Variants in DLGAP4 observed in about 807,000 individuals in gnomAD.
The protein encoded by DLGAP4 is DLG associated protein 4, also known as disks large-associated protein 4.
A neutral mutation model predicts 86.9 loss-of-function variants in DLGAP4; 18 were observed. The ratio of observed to expected loss-of-function variants is 0.21; its 90% CI spans 0.14 to 0.31. The LOEUF (loss-of-function observed/expected upper bound fraction) is 0.31, where lower values mean the gene tolerates loss of function less well. Among genes scored for constraint, DLGAP4 ranks in the 10% least tolerant of loss-of-function variants. The pLI, the probability that DLGAP4 is intolerant of heterozygous loss-of-function variation, is 1.00. For missense variants in DLGAP4, 1,085 were observed against 1,362.6 expected, an observed-to-expected ratio of 0.80 and a Z score of 3.21; for synonymous variants, 548 against 574.3, an observed-to-expected ratio of 0.95 and a Z score of 0.65.
At position 36,431,636 on chromosome 20, in the gene DLGAP4, C is replaced by T; in HGVS notation, c.-72-10C>T. ...TGACCAGCTGACCGCTTTCTGTCTT[C>T]TCTCCCTAGGATAGCTGCCGCCCGG... is the stretch of plus-strand genomic sequence containing the variant. On this transcript the variant is annotated splice_polypyrimidine_tract_variant and intron_variant, in intron 2 of 12. Coordinates refer to ENST00000339266, the MANE Select transcript of DLGAP4 (RefSeq NM_001365621.2). This position sits in a 1 kb window ranked among gnomAD's most constrained non-coding sequence, Gnocchi z 5.1. 1 of 1,465,418 alleles carries T rather than the reference C, an allele frequency of 6.8e-7. No homozygotes were observed. The highest frequency in any genetic ancestry group is 1.4e-5 in the South Asian group (1 of 72,826). 90.8% of individuals were successfully genotyped at this position (1,465,418 alleles called of 1,614,324 possible). A position where few individuals can be genotyped will look rare whatever the true frequency, so the allele number is the denominator to read the frequency against.
intron 1 of DLGAP4, among the ~76,000 whole-genome samples, chr20:36,346,342 C>G (rs2029937632): frequency 6.6e-6 from 1 of 152,264 alleles, no homozygotes; most frequent in South Asian, 2.1e-4. Flanking sequence ...GCCCTACTCA[C>G]TGTTAGCAGG....
chr20:36,526,961 G>T lies in DLGAP4; in HGVS notation c.2909G>T (p.Arg970Leu). 1 of 1,610,210 alleles carries T rather than the reference G, an allele frequency of 6.2e-7. No individual in the cohort carries two copies. The highest frequency in any genetic ancestry group is 8.5e-7 in the Non-Finnish European group (1 of 1,178,364). Residue 970 changes from arginine to leucine, a missense_variant, in exon 13 of 13, where the codon CGG becomes CTG. Arg to Leu is a moderately radical substitution (Grantham distance 102). Transcript: ENST00000339266. The stretch of plus-strand genomic sequence containing the variant: ...GCGGCCAAGCGGGCAGCTTCTGTGC[G>T]GCAGAACTCAGCCACCGAGAGCGCA... ...LLAAKRAASV[R>L]QNSATESADS...
At chr20:36,525,578 G>C (rs987571900) in intron 11 of DLGAP4, 11 of 521,886 alleles carry the variant, frequency 2.1e-5, no homozygotes, top group Admixed American at 3.1e-5. Context: ...TGCAAAACGA[G>C]AATACCTGTC....
chr20:36,362,879 T>G (rs1182849997), intron 1 of DLGAP4, among the ~76,000 whole-genome samples: 1 of 152,142 alleles, frequency 6.6e-6, no homozygotes, highest in Non-Finnish European at 1.5e-5. Context: ...CTGAATTCAT[T>G]TGAGCCTCAC....
At chr20:36,342,705 A>G (rs1245927870) in intron 1 of DLGAP4, among the ~76,000 whole-genome samples, 3 of 152,206 alleles carry the variant, frequency 2.0e-5, no homozygotes, top group Non-Finnish European at 2.9e-5. Context: ...CCTCTGCCGC[A>G]TAGTCCTGGT....
intron 1 of DLGAP4, among the ~76,000 whole-genome samples, chr20:36,332,474 C>T (rs915817139): frequency 6.6e-5 from 10 of 152,152 alleles, no homozygotes; most frequent in African/African-American, 2.4e-4. Context: ...ACTGCAACCT[C>T]TGCCTCTGGG....
chr20:36,422,020 G>A (rs1055059716), intron 2 of DLGAP4, among the ~76,000 whole-genome samples: 1 of 152,132 alleles, frequency 6.6e-6, no homozygotes, highest in African/African-American at 2.4e-5. Flanking sequence ...AAGCCAGCAA[G>A]AGCCGGAGCA....
chr20:36,343,349 C>A (rs371838441), intron 1 of DLGAP4, among the ~76,000 whole-genome samples: 6 of 152,182 alleles, frequency 3.9e-5, no homozygotes, highest in African/African-American at 1.4e-4. Flanking sequence ...CTCATCTCCT[C>A]TGGGTAGTGA....
chr20:36,463,833 T>C (rs1245038214), intron 7 of DLGAP4, among the ~76,000 whole-genome samples: 3 of 152,142 alleles, frequency 2.0e-5, no homozygotes, highest in African/African-American at 7.2e-5. Context: ...TCAAGGAGCT[T>C]AGGATGTCCT....
chr20:36,525,676 G>A (rs2147873953), intron 11 of DLGAP4, 175 bp from the exon 12 acceptor site: 1 of 801,616 alleles, frequency 1.2e-6, no homozygotes, highest in South Asian at 1.8e-5. Flanking sequence ...CACTAGGGCT[G>A]GTGCTGACCA....
intron 1 of DLGAP4, among the ~76,000 whole-genome samples, chr20:36,339,943 A>C (rs782692670): frequency 6.6e-6 from 1 of 152,192 alleles, no homozygotes. Flanking sequence ...TGCATGCTGG[A>C]CAGGCAGTGG....
chr20:36,337,658 T>C (rs1312622809), intron 1 of DLGAP4, among the ~76,000 whole-genome samples: 1 of 152,124 alleles, frequency 6.6e-6, no homozygotes, highest in Non-Finnish European at 1.5e-5. Context: ...GTTGTCACAA[T>C]AACCCCTCCT....
chr20:36,385,379 T>A (rs2031558399), intron 2 of DLGAP4, among the ~76,000 whole-genome samples: 1 of 151,418 alleles, frequency 6.6e-6, no homozygotes, highest in Non-Finnish European at 1.5e-5. Context: ...GAAGAGAGAG[T>A]GGGTTGAAAA....
intron 8 of DLGAP4, 151 bp from the exon 9 acceptor site, chr20:36,499,437 G>A: frequency 2.2e-6 from 3 of 1,391,370 alleles, no homozygotes; most frequent in Non-Finnish European, 3.0e-6. Context: ...CCGGCCTCGG[G>A]CCCACGTGCA....
chr20:36,366,565 A>G (rs757898575), intron 1 of DLGAP4, among the ~76,000 whole-genome samples: 2 of 152,178 alleles, frequency 1.3e-5, no homozygotes, highest in African/African-American at 4.8e-5. Context: ...GCCTTCAGAG[A>G]AGGCACTCTT....
chr20:36,329,402 T>G (rs2065246293), intron 1 of DLGAP4, among the ~76,000 whole-genome samples: 1 of 152,222 alleles, frequency 6.6e-6, no homozygotes, highest in African/African-American at 2.4e-5. Context: ...AATTGGGATT[T>G]TAATACTTAT....
At chr20:36,440,235 C>T (rs1348973569) in intron 5 of DLGAP4, among the ~76,000 whole-genome samples, 2 of 152,202 alleles carry the variant, frequency 1.3e-5, no homozygotes, top group Non-Finnish European at 2.9e-5. Flanking sequence ...ACCTCCCCTC[C>T]CTGAACCTCG....
At chr20:36,315,046 T>TTGTGTG (rs1476501944) in intron 1 of DLGAP4, among the ~76,000 whole-genome samples, 1 of 4,380 alleles carries the variant, frequency 2.3e-4, no homozygotes, top group Non-Finnish European at 5.1e-4. Context: ...GTGTGGTGTG[T>TTGTGTG]TGCGCCCCCC....
intron 10 of DLGAP4, among the ~76,000 whole-genome samples, chr20:36,510,355 C>T (rs571964914): frequency 2.6e-5 from 4 of 152,088 alleles, no homozygotes; most frequent in Admixed American, 6.6e-5. Context: ...CCTCTGCTTC[C>T]CGGGTTCAAG....
Sources: allele counts gnomAD v4.1 joint callset (sites outside exome capture counted in the v4.1 genomes callset), GRCh38; gene constraint gnomAD v4.1.1; non-coding constraint Gnocchi (gnomAD v3.1); transcripts MANE v1.5; gene names NCBI Gene and HGNC (gene_info 2026-07-23, HGNC 2026-07-21).